Variants in RNF38 observed in about 807,000 individuals in gnomAD.
The protein encoded by RNF38 is ring finger protein 38.
A neutral mutation model predicts 67.2 loss-of-function variants in RNF38; 15 were observed. The ratio of observed to expected loss-of-function variants is 0.22; its 90% CI spans 0.15 to 0.34. The LOEUF is 0.34. Among genes scored for constraint, RNF38 ranks in the 10% least tolerant of loss-of-function variants. RNF38 has a pLI of 1.00. For synonymous variants in RNF38, 220 were observed against 218.8 expected (o/e 1.01, Z -0.05); for missense variants, 524 against 639.9 (o/e 0.82, Z 1.95).
intron 2 of RNF38, among the ~76,000 whole-genome samples, chr9:36,385,465 G>A (rs1007578114): frequency 1.3e-5 from 2 of 149,422 alleles, no homozygotes; most frequent in Non-Finnish European, 1.5e-5. Context: ...AGTAACCTCC[G>A]CCTCCCGGAT....
rs544757664 is a variant in RNF38 at position 36,433,725 on chromosome 9, T to C, written n.242-9042A>G. 4.0e-5 allele frequency among the ~76,000 whole-genome samples: 6 copies of C among 151,198 alleles called. No homozygotes were observed. The South Asian group carries it at 1.3e-3, about 32-fold the overall frequency. On this transcript the variant is annotated intron_variant and non_coding_transcript_variant, in intron 1 of 3. Transcript: ENST00000488058. ...AAAAGAAAGAAAATATAAATGACTT[T>C]GGACATATACAAATGTTAAACTTTT...
At chr9:36,354,024 A>G (rs1833897432) in intron 6 of RNF38, among the ~76,000 whole-genome samples, 1 of 152,230 alleles carries the variant, frequency 6.6e-6, no homozygotes, top group Admixed American at 6.5e-5. Context: ...TCATTGAGAT[A>G]TAACTGACAT....
intron 2 of RNF38, among the ~76,000 whole-genome samples, chr9:36,421,906 C>A (rs1838638720): frequency 6.6e-6 from 1 of 151,910 alleles, no homozygotes; most frequent in African/African-American, 2.4e-5. Context: ...ACCCACTCTC[C>A]TCCCCAGAAT....
intron 1 of RNF38, among the ~76,000 whole-genome samples, chr9:36,468,705 G>C (rs1268852918): frequency 6.6e-6 from 1 of 151,066 alleles, no homozygotes; most frequent in Non-Finnish European, 1.5e-5. Flanking sequence ...CCAGCTACTC[G>C]GGAGGCCGAG....
chr9:36,402,933 G>A (rs1233206052), upstream of RNF38, among the ~76,000 whole-genome samples: 1 of 152,072 alleles, frequency 6.6e-6, no homozygotes, highest in East Asian at 1.9e-4. Flanking sequence ...TCTCACTGCA[G>A]TCTCAAACTC....
At chr9:36,456,146 C>T (rs1839591238) in intron 1 of RNF38, among the ~76,000 whole-genome samples, 3 of 152,122 alleles carry the variant, frequency 2.0e-5, no homozygotes, top group South Asian at 4.1e-4. Flanking sequence ...CTGCAACCTC[C>T]ACCTCCTGCC....
intron 2 of RNF38, among the ~76,000 whole-genome samples, chr9:36,411,344 T>C (rs947015633): frequency 1.8e-4 from 27 of 152,188 alleles, no homozygotes; most frequent in African/African-American, 5.3e-4. Flanking sequence ...ACAGCCACTA[T>C]GAAAAACAGT....
At chr9:36,367,816 C>T (rs1247358871) in intron 4 of RNF38, among the ~76,000 whole-genome samples, 2 of 152,052 alleles carry the variant, frequency 1.3e-5, no homozygotes, top group Admixed American at 1.3e-4. Context: ...AGTTTAAATT[C>T]GAATTACCAG....
chr9:36,405,405 A>G (rs1838153279), upstream of RNF38, among the ~76,000 whole-genome samples: 1 of 152,206 alleles, frequency 6.6e-6, no homozygotes, highest in Non-Finnish European at 1.5e-5. Context: ...TAATCAGCCC[A>G]TTTTAGGCTT....
chr9:36,466,069 A>T (rs547735446), intron 1 of RNF38, among the ~76,000 whole-genome samples: 9 of 152,220 alleles, frequency 5.9e-5, no homozygotes, highest in African/African-American at 2.2e-4. Flanking sequence ...AGTAAAAAAA[A>T]GTAACAAAGT....
At chr9:36,344,543 A>T (rs1833078629) in intron 10 of RNF38, among the ~76,000 whole-genome samples, 1 of 152,206 alleles carries the variant, frequency 6.6e-6, no homozygotes, top group Non-Finnish European at 1.5e-5. Flanking sequence ...ACTTTCTAAG[A>T]TGACAGAAAT....
chr9:36,466,318 A>G (rs1415726997), intron 1 of RNF38, among the ~76,000 whole-genome samples: 1 of 152,212 alleles, frequency 6.6e-6, no homozygotes, highest in Non-Finnish European at 1.5e-5. Flanking sequence ...ATGCTCTGGT[A>G]TTAGATAGTG....
intron 1 of RNF38, among the ~76,000 whole-genome samples, chr9:36,444,843 A>G (rs1839266566): frequency 6.6e-6 from 1 of 152,164 alleles, no homozygotes; most frequent in African/African-American, 2.4e-5. Flanking sequence ...ACACCCCTCA[A>G]ATAAAATGCC....
chr9:36,409,662 A>G (rs1838274585), intron 2 of RNF38, among the ~76,000 whole-genome samples: 1 of 152,212 alleles, frequency 6.6e-6, no homozygotes, highest in South Asian at 2.1e-4. Flanking sequence ...CATTCATGAA[A>G]TGTGACCAGC....
At chr9:36,351,056 AG>A (rs1244316718) in intron 9 of RNF38, 58 bp downstream of exon 9, 47 of 1,225,332 alleles carry the variant, frequency 3.8e-5, no homozygotes, top group Non-Finnish European at 5.3e-5. Flanking sequence ...AGAGTTAAGT[AG>A]AATAATACTT....
rs114475920 is a variant in RNF38, at chr9:36,393,747, A to G, written c.13-3131T>C. Among the ~76,000 whole-genome samples the G allele has an allele frequency of 2.4e-3, 367 of 152,324 alleles. 2 individuals are homozygous for G. Among genetic ancestry groups the G allele is most frequent in the African/African-American group, 7.6e-3 (314 of 41,576 alleles). On this transcript the variant is annotated intron_variant, in intron 1 of 11. Transcript: ENST00000259605. Reference sequence around the variant, plus strand: ...CAGATTATCCTGGGTGAGCCTGGGCATGACTTAATCAGAGAAAGCAGAACT... The same window carrying G: ...CAGATTATCCTGGGTGAGCCTGGGCGTGACTTAATCAGAGAAAGCAGAACT...
chr9:36,400,394 C>A (rs1486125286), upstream of RNF38: 1 of 1,154,230 alleles, frequency 8.7e-7, no homozygotes, highest in East Asian at 4.3e-5. Context: ...CCGGCGGCTC[C>A]GCGAGCTGAG....
At chr9:36,420,215 G>C (rs1314377664) in intron 2 of RNF38, among the ~76,000 whole-genome samples, 1 of 152,126 alleles carries the variant, frequency 6.6e-6, no homozygotes, top group Non-Finnish European at 1.5e-5. Flanking sequence ...CTACTTCAAA[G>C]GGTGTTGTGA....
At chr9:36,483,416 G>A (rs1437631295) in intron 1 of RNF38, among the ~76,000 whole-genome samples, 1 of 150,534 alleles carries the variant, frequency 6.6e-6, no homozygotes, top group Admixed American at 6.6e-5. Context: ...CCTGGGCAAT[G>A]CTGCACCTCC....
Sources: allele counts gnomAD v4.1 joint callset (sites outside exome capture counted in the v4.1 genomes callset), GRCh38; gene constraint gnomAD v4.1.1; transcripts MANE v1.5; gene names NCBI Gene and HGNC (gene_info 2026-07-23, HGNC 2026-07-21).